The following HDAC2 variants were observed in gnomAD, a reference collection of about 807,000 sequenced individuals.
HDAC2 encodes the protein YY1-associated factor 1.
Under a neutral mutation model 68.5 loss-of-function variants are expected in HDAC2, and 5 were observed. The observed-to-expected ratio is 0.07, with a 90% CI of 0.04 to 0.15. The LOEUF is 0.15. Ranked by LOEUF, HDAC2 falls within the 10% of genes least tolerant of loss-of-function variation. The pLI is 1.00. For missense variants in HDAC2, 291 were observed against 600.8 expected, an observed-to-expected ratio of 0.48 and a Z score of 5.39; for synonymous variants, 182 against 191.3, an observed-to-expected ratio of 0.95 and a Z score of 0.40.
chr6:113,951,737 G>C (rs1264554441), intron 6 of HDAC2, among the ~76,000 whole-genome samples: 1 of 152,136 alleles, frequency 6.6e-6, no homozygotes, highest in African/African-American at 2.4e-5. Flanking sequence ...AAAGTGCTGG[G>C]ATTACAGGCG....
chr6:113,941,814 A>C lies in HDAC2; in HGVS notation c.1379-49T>G, dbSNP rs9372384. 0.017 allele frequency: 9,700 copies of C among 580,920 alleles called. 718 individuals are homozygous for C. The East Asian group carries it at 0.2, about 12-fold the overall frequency. The allele number at this position is 580,920 out of a possible 1,614,324, so 36.0% of individuals were successfully genotyped here. A position where few individuals can be genotyped will look rare whatever the true frequency, so the allele number is the denominator to read the frequency against. ...ATTAAAACCTATTTTGAAATATAAA[A>C]TGTATATATATTATTTCAAAATATA... On this transcript the variant is annotated intron_variant, in intron 12 of 13. Transcript: ENST00000519065.
rs1582470468 is a variant in HDAC2, at chr6:113,935,925, A to G, written c.*5133T>C. The G allele has an allele frequency of 6.6e-6, 1 of 152,306 alleles. No individual in the cohort carries two copies. The highest frequency in any genetic ancestry group is 6.5e-5 in the Admixed American group (1 of 15,304). 9.4% of individuals were successfully genotyped at this position (152,306 alleles called of 1,614,324 possible). On this transcript the variant is annotated 3_prime_UTR_variant, in exon 14 of 14. Transcript: ENST00000519065. The stretch of plus-strand genomic sequence containing the variant: ...CCTGAATATTAACTTCACTATAACT[A>G]TAATTCCTAGAAATAAATTTCAATT...
At chr6:113,941,993 T>C (rs1293927113) in intron 12 of HDAC2, among the ~76,000 whole-genome samples, 1 of 152,040 alleles carries the variant, frequency 6.6e-6, no homozygotes, top group Non-Finnish European at 1.5e-5. Flanking sequence ...GCCCTAACTC[T>C]AGGTTTTGAC....
At chr6:113,970,348 G>A in intron 1 of HDAC2, 1 of 533,724 alleles carries the variant, frequency 1.9e-6, no homozygotes, top group Non-Finnish European at 2.4e-6. Context: ...CAGGCGAGGA[G>A]GAGGGAAGGG....
At chr6:113,960,670 T>C (rs556248414) in intron 1 of HDAC2, among the ~76,000 whole-genome samples, 3 of 152,182 alleles carry the variant, frequency 2.0e-5, no homozygotes, top group South Asian at 2.1e-4. Context: ...TTTAAACTTA[T>C]GCATAAGATT....
intron 1 of HDAC2, among the ~76,000 whole-genome samples, chr6:113,966,341 G>A (rs1776818276): frequency 6.6e-6 from 1 of 152,116 alleles, no homozygotes; most frequent in South Asian, 2.1e-4. Context: ...CCCCAGGTCA[G>A]GAGTTCGAGA....
In HDAC2 at chr6:113,940,324, A is replaced by T. The variant is rs566371608; in HGVS notation, c.*734T>A. The T allele has an allele frequency of 1.3e-5, 2 of 152,342 alleles. No homozygotes were observed. The highest frequency in any genetic ancestry group is 2.4e-5 in the African/African-American group (1 of 41,588). The allele number at this position is 152,342 out of a possible 1,614,324, so 9.4% of individuals were successfully genotyped here. ...TTGTCTGCAGGTTCCATTTTAAACC[A>T]GCAATATACTATAGGCAAGTCTGGT... is the stretch of plus-strand genomic sequence containing the variant. On this transcript the variant is annotated 3_prime_UTR_variant, in exon 14 of 14. Coordinates refer to ENST00000519065, the MANE Select transcript of HDAC2 (RefSeq NM_001527.4).
At chr6:113,947,099 T>C (rs1192095333) in intron 8 of HDAC2, 1 of 152,154 alleles carries the variant, frequency 6.6e-6, no homozygotes, top group African/African-American at 2.4e-5. Flanking sequence ...TCAATTTTTA[T>C]TATTGCTACT....
rs1448633490 is a variant in HDAC2 at position 113,934,562 on chromosome 6, T to A, written c.*6496A>T. 6.6e-6 allele frequency: 1 copy of A among 152,176 alleles called. No individual in the cohort carries two copies. The highest frequency in any genetic ancestry group is 2.4e-5 in the African/African-American group (1 of 41,438). The allele number at this position is 152,176 out of a possible 1,614,324, so 9.4% of individuals were successfully genotyped here. Reference sequence around the variant, plus strand: ...TTTACCTTACCTATAGGGGTCCAGATGTGTTTTTCTGGGAAATCAGATTTA... The same window carrying A: ...TTTACCTTACCTATAGGGGTCCAGAAGTGTTTTTCTGGGAAATCAGATTTA... On this transcript the variant is annotated 3_prime_UTR_variant, in exon 14 of 14. Transcript: ENST00000519065.
intron 1 of HDAC2, chr6:113,968,184 C>T (rs1776870258): frequency 6.6e-6 from 1 of 152,198 alleles, no homozygotes; most frequent in African/African-American, 2.4e-5. Flanking sequence ...ATAGAATTTG[C>T]TACTTCCGTC....
rs1431080142 is a variant in HDAC2, at chr6:113,959,113, A to C, written c.166-347T>G. 2.0e-4 allele frequency among the ~76,000 whole-genome samples: 30 copies of C among 152,052 alleles called. 1 individual carries two copies. On this transcript the variant is annotated intron_variant, in intron 2 of 13. Coordinates refer to ENST00000519065, the MANE Select transcript of HDAC2 (RefSeq NM_001527.4). ...AAAACATCCAGTGATTTCATCAATG[A>C]AATCACTCACTACAAGAGTTTTCAA... is the stretch of plus-strand genomic sequence containing the variant.
At chr6:113,960,977 T>G (rs1776670149) in intron 1 of HDAC2, among the ~76,000 whole-genome samples, 1 of 152,128 alleles carries the variant, frequency 6.6e-6, no homozygotes, top group South Asian at 2.1e-4. Context: ...TTAGGTATTA[T>G]GAGTAATCTA....
Position 113,935,260 on chromosome 6 carries a change from A to C in HDAC2, c.*5798T>G, listed in dbSNP as rs1458655122. 1 of 152,220 alleles carries C rather than the reference A, an allele frequency of 6.6e-6. No homozygotes were observed. Among genetic ancestry groups the C allele is most frequent in the African/African-American group, 2.4e-5 (1 of 41,448 alleles). The allele number at this position is 152,220 out of a possible 1,614,324, so 9.4% of individuals were successfully genotyped here. ...CATAGCATATTTAAAAAATAAGAGC[A>C]AAAGGGGAAATTCTTGTCTTTTTAA... On this transcript the variant is annotated 3_prime_UTR_variant, in exon 14 of 14. Transcript: ENST00000519065.
intron 4 of HDAC2, 180 bp from the exon 5 acceptor site, chr6:113,956,331 G>A: frequency 1.7e-6 from 1 of 573,916 alleles, no homozygotes; most frequent in South Asian, 2.7e-5. Context: ...TCCTAGAGCT[G>A]CAACCTGAGA....
intron 1 of HDAC2, chr6:113,970,371 G>A: frequency 1.3e-6 from 1 of 772,960 alleles, no homozygotes; most frequent in Non-Finnish European, 1.6e-6. Flanking sequence ...CGGGAGGGGC[G>A]GAGCTCTCGC....
chr6:113,969,127 C>T (rs940705143), intron 1 of HDAC2, among the ~76,000 whole-genome samples: 1 of 152,164 alleles, frequency 6.6e-6, no homozygotes, highest in South Asian at 2.1e-4. Flanking sequence ...CAAGAATAAC[C>T]CAAAATATGC....
rs146993153 is a variant in HDAC2, at chr6:113,967,018, G to A, written c.52+3839C>T. On this transcript the variant is annotated intron_variant, in intron 1 of 13. Coordinates refer to ENST00000519065, the MANE Select transcript of HDAC2 (RefSeq NM_001527.4). Reference sequence around the variant, plus strand: ...AAGAACCCATGTAGTTGTATTAAAGGTTATTCAGCAAAAGACTTTGGTACT... The same window carrying A: ...AAGAACCCATGTAGTTGTATTAAAGATTATTCAGCAAAAGACTTTGGTACT... Among the ~76,000 whole-genome samples, 241 of 152,298 alleles carry A rather than the reference G, an allele frequency of 1.6e-3. 3 individuals are homozygous for A. The East Asian group carries it at 0.036, about 23-fold the overall frequency.
chr6:113,957,196 A>C (rs1226200821), intron 3 of HDAC2: 2 of 154,178 alleles, frequency 1.3e-5, no homozygotes, highest in African/African-American at 4.8e-5. Context: ...TGATCTTGAA[A>C]GTTGCTAAGA....
intron 1 of HDAC2, among the ~76,000 whole-genome samples, 173 bp from the exon 2 acceptor site, chr6:113,960,191 G>A (rs1776647702): frequency 1.3e-5 from 2 of 151,938 alleles, no homozygotes; most frequent in South Asian, 2.1e-4. Context: ...TGACTAAGAC[G>A]CTACGCACAC....
Sources: gnomAD v4.1 joint callset for allele counts (sites outside exome capture counted in the v4.1 genomes callset) on GRCh38, gnomAD v4.1.1 for gene constraint, MANE v1.5 for transcripts, NCBI Gene and HGNC (gene_info 2026-07-23, HGNC 2026-07-21) for gene names.